ARPP21: variants seen among roughly 807,000 people sequenced by gnomAD.
ARPP21 encodes cAMP-regulated phosphoprotein 21.
A neutral mutation model predicts 113.2 loss-of-function variants in ARPP21; 69 were observed. The observed-to-expected ratio is 0.61, with a 90% CI of 0.50 to 0.74. The LOEUF (loss-of-function observed/expected upper bound fraction) is 0.74. ARPP21 is among the 30% of genes least tolerant of loss of function. The pLI, the probability that ARPP21 is intolerant of heterozygous loss-of-function variation, is 0.00. For synonymous variants in ARPP21, 368 were observed against 375.5 expected (o/e 0.98, Z 0.23); for missense variants, 1,070 against 1,037.4 (o/e 1.03, Z -0.43).
rs371643753 is a variant in ARPP21, at chr3:35,721,032, T to A, written c.996-573T>A. 3.3e-5 allele frequency among the ~76,000 whole-genome samples: 5 copies of A among 152,364 alleles called. No individual in the cohort carries two copies. In the South Asian group the frequency reaches 1.0e-3, roughly 32 times the overall value. On this transcript the variant is annotated intron_variant, in intron 13 of 20. Coordinates refer to ENST00000684406, the MANE Select transcript of ARPP21 (RefSeq NM_001385562.1). ...AGTGGGCAAAATTCTTACCATAGGT[T>A]AATAGAGTAATTTCTGTGATTTCTA...
At chr3:35,766,719 A>C (rs2151424136) in intron 19 of ARPP21, among the ~76,000 whole-genome samples, 1 of 152,232 alleles carries the variant, frequency 6.6e-6, no homozygotes, top group Middle Eastern at 3.4e-3. Context: ...CAGAACAATA[A>C]GTTATCATTT....
chr3:35,701,512 A>G (rs1008986480), intron 9 of ARPP21, among the ~76,000 whole-genome samples: 1 of 151,706 alleles, frequency 6.6e-6, no homozygotes. Context: ...CGCACCTAGT[A>G]TATAATATAC....
chr3:35,719,272 A>T (rs1381636315), intron 13 of ARPP21, among the ~76,000 whole-genome samples: 2 of 152,236 alleles, frequency 1.3e-5, no homozygotes, highest in Non-Finnish European at 2.9e-5. Context: ...ATTTTAATGT[A>T]TAAATACCTA....
chr3:35,747,409 T>C (rs983926071), intron 19 of ARPP21, among the ~76,000 whole-genome samples: 1 of 139,872 alleles, frequency 7.1e-6, no homozygotes, highest in Non-Finnish European at 1.6e-5. Context: ...TTTAGAGAAA[T>C]CAAATGGTGG....
intron 12 of ARPP21, 97 bp downstream of exon 12, chr3:35,715,573 TTG>T: frequency 1.0e-6 from 1 of 965,854 alleles, no homozygotes; most frequent in Non-Finnish European, 1.6e-6. Context: ...ATGTGTGTGC[TTG>T]AATATATGTA....
chr3:35,650,333 T>C (rs912813934), intron 1 of ARPP21: 2 of 152,148 alleles, frequency 1.3e-5, no homozygotes, highest in African/African-American at 2.4e-5. Flanking sequence ...TGAAGTTTTC[T>C]ATGTATTGTG....
intron 19 of ARPP21, among the ~76,000 whole-genome samples, chr3:35,789,832 C>T (rs1394960119): frequency 2.6e-5 from 4 of 152,178 alleles, no homozygotes; most frequent in East Asian, 3.9e-4. Context: ...CCAACCAAGA[C>T]ATTCTGCTTT....
At chr3:35,731,172 A>G (rs1326528267) in intron 15 of ARPP21, among the ~76,000 whole-genome samples, 1 of 152,202 alleles carries the variant, frequency 6.6e-6, no homozygotes, top group East Asian at 1.9e-4. Context: ...GAGTGTTTTG[A>G]AAAAGCTCAA....
chr3:35,692,142 A>T (rs1266445318), intron 9 of ARPP21, among the ~76,000 whole-genome samples: 2 of 151,658 alleles, frequency 1.3e-5, no homozygotes, highest in Non-Finnish European at 3.0e-5. Context: ...CAAATTACTT[A>T]TATATCTGCA....
At chr3:35,720,787 C>A (rs982179654) in intron 13 of ARPP21, among the ~76,000 whole-genome samples, 2 of 152,186 alleles carry the variant, frequency 1.3e-5, no homozygotes, top group Admixed American at 6.5e-5. Flanking sequence ...TCAAACTTCA[C>A]TTCTGGCTAT....
At chr3:35,737,393 A>C (rs954678910) in intron 16 of ARPP21, 31 bp downstream of exon 16, 1 of 1,513,872 alleles carries the variant, frequency 6.6e-7, no homozygotes, top group African/African-American at 1.4e-5. Context: ...CAGGGAAGGG[A>C]AGTACCCTGA....
At chr3:35,640,476 A>G (rs1697649317) in intron 1 of ARPP21, 78 bp downstream of exon 1, 1 of 152,072 alleles carries the variant, frequency 6.6e-6, no homozygotes, top group Admixed American at 6.6e-5. Flanking sequence ...TTTCTGCCAT[A>G]TATCTGTCTG....
At chr3:35,773,123 C>T (rs1238460247) in intron 19 of ARPP21, among the ~76,000 whole-genome samples, 1 of 152,126 alleles carries the variant, frequency 6.6e-6, no homozygotes, top group Non-Finnish European at 1.5e-5. Context: ...AAGGATAAAA[C>T]ATATTGTTAC....
At chr3:35,642,892 C>T (rs1290273886) in intron 1 of ARPP21, among the ~76,000 whole-genome samples, 1 of 152,006 alleles carries the variant, frequency 6.6e-6, no homozygotes, top group East Asian at 1.9e-4. Context: ...GGTGTTTTCT[C>T]TCCTTAGAAT....
intron 19 of ARPP21, chr3:35,744,604 G>T: frequency 2.1e-6 from 1 of 483,590 alleles, no homozygotes; most frequent in Non-Finnish European, 4.3e-6. Context: ...GCACGAACCC[G>T]ACAGGGCTGA....
chr3:35,739,922 G>T (rs539621943), intron 18 of ARPP21, among the ~76,000 whole-genome samples: 4 of 152,302 alleles, frequency 2.6e-5, no homozygotes, highest in Middle Eastern at 3.4e-3. Flanking sequence ...GGAAGGGAAA[G>T]GTCTGCACCT....
chr3:35,710,852 C>G (rs922900173), intron 11 of ARPP21, among the ~76,000 whole-genome samples: 1 of 152,164 alleles, frequency 6.6e-6, no homozygotes, highest in Non-Finnish European at 1.5e-5. Flanking sequence ...GCATGACTTT[C>G]TCTATACATT....
chr3:35,754,482 T>C (rs1198908260), intron 19 of ARPP21, among the ~76,000 whole-genome samples: 1 of 152,000 alleles, frequency 6.6e-6, no homozygotes, highest in African/African-American at 2.4e-5. Flanking sequence ...TTGTGGAACA[T>C]GCTGTTCTGA....
At chr3:35,725,614 A>G (rs768667825) in intron 14 of ARPP21, among the ~76,000 whole-genome samples, 2 of 152,172 alleles carry the variant, frequency 1.3e-5, no homozygotes, top group Non-Finnish European at 2.9e-5. Flanking sequence ...CCTCTGCTCC[A>G]AGGGAATCTG....
Sources: allele counts gnomAD v4.1 joint callset (sites outside exome capture counted in the v4.1 genomes callset), GRCh38; gene constraint gnomAD v4.1.1; transcripts MANE v1.5; gene names NCBI Gene and HGNC (gene_info 2026-07-23, HGNC 2026-07-21).